MPDZ: variants seen among roughly 807,000 people sequenced by gnomAD.
MPDZ encodes the protein multiple PDZ domain crumbs cell polarity complex component, also known as multiple PDZ domain protein.
A neutral mutation model predicts 239.1 loss-of-function variants in MPDZ; 234 were observed. The ratio of observed to expected loss-of-function variants is 0.98; its 90% CI spans 0.88 to 1.09. MPDZ has a LOEUF of 1.09. Ranked by LOEUF, MPDZ falls within the 50% of genes least tolerant of loss-of-function variation. The pLI is 0.00. For missense variants in MPDZ, 3,175 were observed against 2,510.0 expected, an observed-to-expected ratio of 1.26 and a Z score of -5.66; for synonymous variants, 1,048 against 881.3, an observed-to-expected ratio of 1.19 and a Z score of -3.35.
At chr9:13,120,551 C>T (rs1380144335) in intron 38 of MPDZ, 2 of 152,192 alleles carry the variant, frequency 1.3e-5, no homozygotes, top group African/African-American at 4.8e-5. Flanking sequence ...ACTACTGATA[C>T]TGTATTCCAA....
intron 25 of MPDZ, 54 bp from the exon 26 acceptor site, chr9:13,147,712 A>C: frequency 7.2e-7 from 1 of 1,392,228 alleles, no homozygotes; most frequent in Non-Finnish European, 1.0e-6. Context: ...ACAACAAAAA[A>C]ATGTGTGGAT....
chr9:13,214,541 G>T (rs112232364), intron 10 of MPDZ, among the ~76,000 whole-genome samples: 2 of 151,944 alleles, frequency 1.3e-5, no homozygotes, highest in Non-Finnish European at 2.9e-5. Context: ...CTACTGTACT[G>T]TACATTTTAA....
intron 8 of MPDZ, among the ~76,000 whole-genome samples, chr9:13,217,807 G>A (rs1387532621): frequency 6.6e-6 from 1 of 151,736 alleles, no homozygotes; most frequent in African/African-American, 2.4e-5. Flanking sequence ...TCAGGATTAA[G>A]ACTCTACATG....
chr9:13,246,010 T>G lies in MPDZ; in HGVS notation c.183+1625A>C, dbSNP rs572920730. Among the ~76,000 whole-genome samples, 13 of 151,900 alleles carry G rather than the reference T, an allele frequency of 8.6e-5. No individual in the cohort carries two copies. In the South Asian group the frequency reaches 2.3e-3, roughly 27 times the overall value. ...TTTTCTTCTCATTCTAATCATGTTT[T>G]CACATAACATATTAAGAATAGAAGA... On this transcript the variant is annotated intron_variant, in intron 3 of 46. Coordinates refer to ENST00000319217, the MANE Select transcript of MPDZ (RefSeq NM_001378778.1).
At chr9:13,242,148 A>G (rs2137398378) in intron 3 of MPDZ, among the ~76,000 whole-genome samples, 1 of 151,940 alleles carries the variant, frequency 6.6e-6, no homozygotes, top group Non-Finnish European at 1.5e-5. Flanking sequence ...ATATTTCACA[A>G]TTATAACTGA....
At chr9:13,123,369 C>T in intron 35 of MPDZ, 71 bp from the exon 36 acceptor site, 1 of 1,352,720 alleles carries the variant, frequency 7.4e-7, no homozygotes, top group Non-Finnish European at 1.0e-6. Context: ...ACTCATCACA[C>T]AGATTGACTC....
chr9:13,131,986 T>C (rs1019088666), intron 32 of MPDZ, among the ~76,000 whole-genome samples: 7 of 152,216 alleles, frequency 4.6e-5, no homozygotes, highest in African/African-American at 1.7e-4. Context: ...TAAAAGATTC[T>C]TGTATGTTCC....
chr9:13,253,521 G>C (rs936492670), intron 1 of MPDZ, among the ~76,000 whole-genome samples: 2 of 151,988 alleles, frequency 1.3e-5, no homozygotes, highest in African/African-American at 4.8e-5. Flanking sequence ...CCTTCAAATT[G>C]CAGCCACGAA....
At chr9:13,224,117 A>C (rs1349665467) in intron 4 of MPDZ, among the ~76,000 whole-genome samples, 1 of 152,076 alleles carries the variant, frequency 6.6e-6, no homozygotes, top group African/African-American at 2.4e-5. Context: ...AAATTGAATA[A>C]CATTTTTCCA....
intron 3 of MPDZ, among the ~76,000 whole-genome samples, chr9:13,242,033 T>C (rs1244965363): frequency 1.3e-5 from 2 of 152,246 alleles, no homozygotes; most frequent in East Asian, 3.9e-4. Flanking sequence ...GAGTGTATAT[T>C]ACTTGTGTGG....
At chr9:13,270,959 G>T (rs1239293316) in intron 1 of MPDZ, among the ~76,000 whole-genome samples, 8 of 152,192 alleles carry the variant, frequency 5.3e-5, no homozygotes, top group Admixed American at 4.6e-4. Flanking sequence ...CAGAAAACAT[G>T]CAAGTGGGTG....
chr9:13,276,180 T>C (rs2139518631), intron 1 of MPDZ, among the ~76,000 whole-genome samples: 1 of 152,314 alleles, frequency 6.6e-6, no homozygotes, highest in East Asian at 1.9e-4. Context: ...ACAACATTCT[T>C]CCTAATCCAT....
intron 19 of MPDZ, among the ~76,000 whole-genome samples, chr9:13,177,550 T>C (rs1952663921): frequency 6.6e-6 from 1 of 152,216 alleles, no homozygotes; most frequent in Non-Finnish European, 1.5e-5. Flanking sequence ...ACTTTTACTT[T>C]TTTTGCAGTA....
intron 27 of MPDZ, 23 bp from the exon 28 acceptor site, chr9:13,140,172 G>A: frequency 6.2e-7 from 1 of 1,611,498 alleles, no homozygotes; most frequent in Non-Finnish European, 8.5e-7. Context: ...AAAGAATGCA[G>A]TGGGTTTGTA....
chr9:13,217,922 A>C (rs1001813129), intron 8 of MPDZ, among the ~76,000 whole-genome samples: 1 of 151,844 alleles, frequency 6.6e-6, no homozygotes, highest in Non-Finnish European at 1.5e-5. Context: ...GAGTTGTTAC[A>C]AATTCTATGT....
At chr9:13,165,257 T>C (rs1950933435) in intron 22 of MPDZ, 1 of 1,066,066 alleles carries the variant, frequency 9.4e-7, no homozygotes, top group Admixed American at 2.6e-5. Flanking sequence ...ATATACAAAA[T>C]CTATATCTGG....
chr9:13,147,551 T>C lies in MPDZ; in HGVS notation c.3738A>G (p.Pro1246=). The C allele has an allele frequency of 6.2e-7, 1 of 1,610,644 alleles. No homozygotes were observed. The highest frequency in any genetic ancestry group is 8.5e-7 in the Non-Finnish European group (1 of 1,177,304). ...VFMVQSIINR[P]RKSPLPSLLH... is the part of the protein sequence containing the mutation. ...CTTGCCCTTTGTGTTCGCTTACCCT[T>C]GGTCTGTTTATAATGCTCTGTACCA... Residue 1246 remains proline (P), a synonymous_variant, in exon 26 of 47, where the codon CCA becomes CCG. Coordinates refer to ENST00000319217, the MANE Select transcript of MPDZ (RefSeq NM_001378778.1).
At chr9:13,205,700 G>A (rs1956906722) in intron 11 of MPDZ, among the ~76,000 whole-genome samples, 1 of 152,140 alleles carries the variant, frequency 6.6e-6, no homozygotes, top group African/African-American at 2.4e-5. Flanking sequence ...GCTCTATTCA[G>A]AAGCCTACTC....
chr9:13,245,491 T>G (rs1262428951), intron 3 of MPDZ, among the ~76,000 whole-genome samples: 1 of 151,734 alleles, frequency 6.6e-6, no homozygotes, highest in African/African-American at 2.4e-5. Flanking sequence ...ACTCTTATAA[T>G]CAAGTCACTT....
Sources: allele counts gnomAD v4.1 joint callset (sites outside exome capture counted in the v4.1 genomes callset), GRCh38; gene constraint gnomAD v4.1.1; transcripts MANE v1.5; gene names NCBI Gene and HGNC (gene_info 2026-07-23, HGNC 2026-07-21).